The following GDI2 variants were observed in gnomAD, a reference collection of about 807,000 sequenced individuals.
GDI2 encodes rab GDP dissociation inhibitor beta.
Under a neutral mutation model 54.2 loss-of-function variants are expected in GDI2, and 22 were observed. That is an observed-to-expected ratio of 0.41 (90% confidence interval 0.29 to 0.58). The LOEUF is 0.58. Among genes scored for constraint, GDI2 ranks in the 20% least tolerant of loss-of-function variants. The pLI is 0.35. For synonymous variants in GDI2, 177 were observed against 182.1 expected, an observed-to-expected ratio of 0.97 and a Z score of 0.23; for missense variants, 422 against 546.0, an observed-to-expected ratio of 0.77 and a Z score of 2.26.
At chr10:5,793,640 TGA>T (rs1454613817) in intron 4 of GDI2, among the ~76,000 whole-genome samples, 22 of 152,314 alleles carry the variant, frequency 1.4e-4, no homozygotes, top group Admixed American at 6.5e-4. Flanking sequence ...AAAATAATTA[TGA>T]GAGAACTTAT....
chr10:5,806,849 T>C (rs1425182626), intron 1 of GDI2, among the ~76,000 whole-genome samples: 1 of 152,198 alleles, frequency 6.6e-6, no homozygotes, highest in African/African-American at 2.4e-5. Context: ...CTGCAGACTT[T>C]TGAAAGCAAA....
intron 6 of GDI2, among the ~76,000 whole-genome samples, chr10:5,779,390 C>A (rs1003060360): frequency 4.0e-5 from 6 of 151,762 alleles, no homozygotes; most frequent in Admixed American, 2.0e-4. Flanking sequence ...TGCCTGTAAT[C>A]CCAGCTACTT....
rs1359658305 is a variant in GDI2 at position 5,766,919 on chromosome 10, A to AAAACCTGCC, written c.992-290_992-282dup. 1.3e-5 allele frequency among the ~76,000 whole-genome samples: 2 copies of AAAACCTGCC among 152,236 alleles called. No homozygotes were observed. The highest frequency in any genetic ancestry group is 4.8e-5 in the African/African-American group (2 of 41,466). On this transcript the variant is annotated intron_variant, in intron 8 of 10. Transcript: ENST00000380191. This position sits in a 1 kb window ranked among gnomAD's most constrained non-coding sequence, Gnocchi z 5.8. The stretch of plus-strand genomic sequence containing the variant: ...TAACAGCTCTGTCATACCTAACTAA[A>AAAACCTGCC]AAACCTGCCAAACCATATTAACTAT...
intron 6 of GDI2, among the ~76,000 whole-genome samples, chr10:5,779,618 T>C (rs568228787): frequency 6.7e-6 from 1 of 150,362 alleles, no homozygotes; most frequent in East Asian, 2.0e-4. Flanking sequence ...GCAGAAAAGG[T>C]CAGTAAACTT....
chr10:5,774,374 T>G lies in GDI2; in HGVS notation c.720-433A>C, dbSNP rs1245345270. Among the ~76,000 whole-genome samples the G allele has an allele frequency of 6.6e-6, 1 of 152,118 alleles. No individual in the cohort carries two copies. The highest frequency in any genetic ancestry group is 1.9e-4 in the East Asian group (1 of 5,182). ...ACGGATTCATCTCAGCACGGTAACA[T>G]ATTTTGGTGCCTGTGACTCGGCTAC... On this transcript the variant is annotated intron_variant, in intron 6 of 10. Transcript: ENST00000380191. The surrounding 1 kb of genome is among the most constrained non-coding windows in gnomAD (Gnocchi z 4.8).
At chr10:5,781,542 G>A (rs1301381278) in intron 6 of GDI2, among the ~76,000 whole-genome samples, 3 of 147,100 alleles carry the variant, frequency 2.0e-5, no homozygotes, top group Non-Finnish European at 4.5e-5. Context: ...GGAGAATGGC[G>A]TGAACCCAGG....
intron 6 of GDI2, among the ~76,000 whole-genome samples, chr10:5,784,709 C>G (rs540339171): frequency 1.7e-4 from 26 of 152,332 alleles, no homozygotes; most frequent in East Asian, 5.8e-4. Context: ...CTTGATCTAG[C>G]CGCCCAGTGG....
intron 4 of GDI2, among the ~76,000 whole-genome samples, chr10:5,790,433 C>G (rs1297357563): frequency 6.6e-6 from 1 of 152,058 alleles, no homozygotes; most frequent in Non-Finnish European, 1.5e-5. Flanking sequence ...CACCTGAAAT[C>G]AGAAGTTCAA....
intron 1 of GDI2, among the ~76,000 whole-genome samples, chr10:5,804,798 C>T (rs767499796): frequency 1.3e-4 from 20 of 151,472 alleles, no homozygotes; most frequent in South Asian, 6.3e-4. Context: ...GAGACCAGAA[C>T]GTCTACATAA....
Position 5,813,249 on chromosome 10 carries a change from C to G in GDI2, c.10G>C (p.Glu4Gln), listed in dbSNP as rs543226756. The G allele has an allele frequency of 1.7e-5, 27 of 1,597,796 alleles. No homozygotes were observed. In the South Asian group the frequency reaches 2.8e-4, roughly 17 times the overall value. ...GTGCCCAGCACGATCACGTCGTACT[C>G]CTCATTCATGGCGGGGCAGGCGCGG... MNE[E>Q]YDVIVLGTGL... Residue 4 changes from glutamate to glutamine, a missense_variant, in exon 1 of 11, where the codon GAG (glutamate) becomes CAG (glutamine). By Grantham distance (29) the Glu-to-Gln change is conservative. Transcript: ENST00000380191.
At chr10:5,805,513 T>C (rs1841358498) in intron 1 of GDI2, among the ~76,000 whole-genome samples, 1 of 152,058 alleles carries the variant, frequency 6.6e-6, no homozygotes, top group Non-Finnish European at 1.5e-5. Context: ...CCTGAGAAGC[T>C]GGAACTACAG....
intron 1 of GDI2, chr10:5,811,774 C>A (rs1323123605): frequency 5.9e-6 from 2 of 337,324 alleles, no homozygotes; most frequent in Non-Finnish European, 1.2e-5. Flanking sequence ...ATTGGTCAAA[C>A]ATAACGAAGT....
At chr10:5,812,795 T>A (rs906163606) in intron 1 of GDI2, among the ~76,000 whole-genome samples, 1 of 152,126 alleles carries the variant, frequency 6.6e-6, no homozygotes, top group African/African-American at 2.4e-5. Flanking sequence ...CGAGGCGGAA[T>A]AGGAAATGCA....
At position 5,768,046 on chromosome 10, in the gene GDI2, G is replaced by A. The variant is rs1207893008; in HGVS notation, c.991+167C>T. On this transcript the variant is annotated intron_variant, in intron 8 of 10. Transcript: ENST00000380191. The surrounding 1 kb of genome is among the most constrained non-coding windows in gnomAD (Gnocchi z 4.4). ...GCTCCGAGTTGAATCTGTCCGCGTT[G>A]ACACAATGCTGCCGGAGCAGGAGGA... Among the ~76,000 whole-genome samples, 1 of 151,972 alleles carries A rather than the reference G, an allele frequency of 6.6e-6. No individual in the cohort carries two copies. The highest frequency in any genetic ancestry group is 6.6e-5 in the Admixed American group (1 of 15,232).
intron 5 of GDI2, 108 bp from the exon 6 acceptor site, chr10:5,785,381 T>G: frequency 1.2e-6 from 1 of 837,260 alleles, no homozygotes; most frequent in South Asian, 1.8e-5. Context: ...CTTTTTTGTT[T>G]TTTTGTTTTT....
chr10:5,772,888 C>T (rs1840523374), intron 7 of GDI2, among the ~76,000 whole-genome samples: 1 of 152,098 alleles, frequency 6.6e-6, no homozygotes, highest in Admixed American at 6.5e-5. Context: ...ACCTTAATTC[C>T]AATTCTACCT....
At chr10:5,811,751 G>T in intron 1 of GDI2, 1 of 297,860 alleles carries the variant, frequency 3.4e-6, no homozygotes, top group Non-Finnish European at 6.8e-6. Flanking sequence ...GACAGACACA[G>T]GATTATTCCT....
chr10:5,804,322 G>A (rs1841331475), intron 1 of GDI2, among the ~76,000 whole-genome samples: 1 of 152,022 alleles, frequency 6.6e-6, no homozygotes, highest in South Asian at 2.1e-4. Context: ...TTGAACTCCT[G>A]GCCTCAAGTG....
chr10:5,791,914 C>G (rs1053824901), intron 4 of GDI2, among the ~76,000 whole-genome samples: 1 of 152,010 alleles, frequency 6.6e-6, no homozygotes, highest in Non-Finnish European at 1.5e-5. Context: ...AAAAACAGTC[C>G]TGTTTACACT....
Sources: allele counts gnomAD v4.1 joint callset (sites outside exome capture counted in the v4.1 genomes callset), GRCh38; gene constraint gnomAD v4.1.1; non-coding constraint Gnocchi (gnomAD v3.1); transcripts MANE v1.5; gene names NCBI Gene and HGNC (gene_info 2026-07-23, HGNC 2026-07-21).